AK5: variants seen among roughly 807,000 people sequenced by gnomAD.
AK5 encodes adenylate kinase isoenzyme 5.
In AK5, 27 loss-of-function variants were observed where a neutral mutation model predicts 69.5. The ratio of observed to expected loss-of-function variants is 0.39; its 90% confidence interval spans 0.29 to 0.54. AK5 has a LOEUF of 0.54. Among genes scored for constraint, AK5 ranks in the 20% least tolerant of loss-of-function variants. The pLI is 0.71. For synonymous variants in AK5, 260 were observed against 244.4 expected (o/e 1.06, Z -0.60); for missense variants, 531 against 700.4 (o/e 0.76, Z 2.73).
intron 8 of AK5, among the ~76,000 whole-genome samples, chr1:77,477,132 G>T (rs956207167): frequency 6.6e-6 from 1 of 151,920 alleles, no homozygotes; most frequent in East Asian, 1.9e-4. Flanking sequence ...GGCCCAAGCC[G>T]TCCTCCAGCC....
chr1:77,328,182 A>G (rs756581143), intron 5 of AK5, among the ~76,000 whole-genome samples: 3 of 152,194 alleles, frequency 2.0e-5, no homozygotes, highest in Admixed American at 6.5e-5. Flanking sequence ...TCATTTCCTT[A>G]TTGTCAACCT....
chr1:77,441,395 C>A (rs1447448204), intron 8 of AK5, among the ~76,000 whole-genome samples: 2 of 152,238 alleles, frequency 1.3e-5, no homozygotes, highest in Middle Eastern at 3.4e-3. Context: ...GCATTCATGT[C>A]TGTGCATTTA....
At chr1:77,367,551 T>A (rs1190078646) in intron 6 of AK5, among the ~76,000 whole-genome samples, 48 of 19,662 alleles carry the variant, frequency 2.4e-3, no homozygotes, top group Non-Finnish European at 2.9e-3. Flanking sequence ...CTCATTTATG[T>A]TATTTTTATA....
intron 6 of AK5, among the ~76,000 whole-genome samples, chr1:77,405,065 G>A (rs1649528300): frequency 6.6e-6 from 1 of 152,100 alleles, no homozygotes; most frequent in Non-Finnish European, 1.5e-5. Flanking sequence ...TTTGAGAGAG[G>A]GAGAGATCAT....
chr1:77,452,492 T>A (rs1653217856), intron 8 of AK5, among the ~76,000 whole-genome samples: 1 of 152,350 alleles, frequency 6.6e-6, no homozygotes, highest in Middle Eastern at 3.4e-3. Context: ...AGCTGTCAGA[T>A]TGGATCCAAT....
At chr1:77,400,634 CAA>C (rs1164415167) in intron 6 of AK5, among the ~76,000 whole-genome samples, 1 of 152,042 alleles carries the variant, frequency 6.6e-6, no homozygotes, top group African/African-American at 2.4e-5. Flanking sequence ...CAGAATAAAT[CAA>C]AGTCACTATT....
At chr1:77,532,583 G>A (rs1051961421) in intron 12 of AK5, among the ~76,000 whole-genome samples, 1 of 152,184 alleles carries the variant, frequency 6.6e-6, no homozygotes, top group African/African-American at 2.4e-5. Flanking sequence ...CCTTAAAGTG[G>A]GAATAATCAT....
In AK5 at chr1:77,301,063, T is replaced by A. The variant is rs372618841; in HGVS notation, c.699+3116T>A. On this transcript the variant is annotated intron_variant, in intron 5 of 13. Transcript: ENST00000354567. ...ATTTCTGGTATCAGCCATATATGGG[T>A]GATGGTCAGACCACTGTAACAAAAG... Among the ~76,000 whole-genome samples, 9 of 152,256 alleles carry A rather than the reference T, an allele frequency of 5.9e-5. No individual in the cohort carries two copies. The South Asian group carries it at 1.9e-3, about 32-fold the overall frequency.
intron 5 of AK5, among the ~76,000 whole-genome samples, chr1:77,317,000 A>G (rs1312726159): frequency 6.6e-6 from 1 of 152,220 alleles, no homozygotes; most frequent in Non-Finnish European, 1.5e-5. Context: ...TAAAACAACA[A>G]TATTTATAAT....
intron 10 of AK5, among the ~76,000 whole-genome samples, chr1:77,504,431 G>GTA (rs201961905): frequency 1.6e-3 from 163 of 104,560 alleles, no homozygotes; most frequent in South Asian, 0.01. Flanking sequence ...TTTTTTCTGT[G>GTA]TATATATATA....
At chr1:77,348,008 C>T (rs1661999960) in intron 6 of AK5, among the ~76,000 whole-genome samples, 1 of 152,134 alleles carries the variant, frequency 6.6e-6, no homozygotes, top group African/African-American at 2.4e-5. Context: ...GAGAAGAGCT[C>T]TTGCACCAAA....
At chr1:77,446,380 T>C (rs1652754638) in intron 8 of AK5, among the ~76,000 whole-genome samples, 1 of 152,238 alleles carries the variant, frequency 6.6e-6, no homozygotes, top group Non-Finnish European at 1.5e-5. Context: ...CAACTTTGTT[T>C]TTCCTCTCAG....
At chr1:77,324,318 C>CAT (rs377430266) in intron 5 of AK5, among the ~76,000 whole-genome samples, 1 of 148,694 alleles carries the variant, frequency 6.7e-6, no homozygotes, top group Non-Finnish European at 1.5e-5. Flanking sequence ...TCACCATTTG[C>CAT]GTGTGTGTGT....
At chr1:77,367,323 T>C (rs1276200133) in intron 6 of AK5, among the ~76,000 whole-genome samples, 3 of 150,910 alleles carry the variant, frequency 2.0e-5, no homozygotes, top group Non-Finnish European at 4.4e-5. Flanking sequence ...TTTATGCTTT[T>C]TGGATTTCTG....
At chr1:77,361,205 T>C (rs765216374) in intron 6 of AK5, among the ~76,000 whole-genome samples, 6 of 152,240 alleles carry the variant, frequency 3.9e-5, no homozygotes, top group Non-Finnish European at 8.8e-5. Flanking sequence ...CAGTCTCCTC[T>C]GTTTCTAAAT....
chr1:77,494,938 C>T (rs969433769), intron 10 of AK5, among the ~76,000 whole-genome samples: 7 of 152,110 alleles, frequency 4.6e-5, no homozygotes, highest in South Asian at 2.1e-4. Flanking sequence ...CCCGTCACCA[C>T]GCTCGGCTAA....
At chr1:77,457,843 C>T (rs1373975802) in intron 8 of AK5, among the ~76,000 whole-genome samples, 1 of 152,152 alleles carries the variant, frequency 6.6e-6, no homozygotes, top group Non-Finnish European at 1.5e-5. Flanking sequence ...TTTAGGCCGT[C>T]TATTAGCTTC....
intron 13 of AK5, among the ~76,000 whole-genome samples, chr1:77,554,744 T>C (rs1170687974): frequency 1.3e-5 from 2 of 150,680 alleles, no homozygotes; most frequent in Admixed American, 6.6e-5. Flanking sequence ...TAGCTGGGAC[T>C]ACAGGCGCCC....
At chr1:77,416,003 T>A (rs2100579238) in intron 7 of AK5, among the ~76,000 whole-genome samples, 1 of 152,288 alleles carries the variant, frequency 6.6e-6, no homozygotes, top group East Asian at 1.9e-4. Flanking sequence ...ACCTGATAGT[T>A]CTAAAATGTC....
Sources: allele counts gnomAD v4.1 joint callset (sites outside exome capture counted in the v4.1 genomes callset), GRCh38; gene constraint gnomAD v4.1.1; transcripts MANE v1.5; gene names NCBI Gene and HGNC (gene_info 2026-07-23, HGNC 2026-07-21).